CRACR2A: variants seen among roughly 807,000 people sequenced by gnomAD.
The protein encoded by CRACR2A is EF-hand calcium-binding domain-containing protein 4B.
A neutral mutation model predicts 90.5 loss-of-function variants in CRACR2A; 79 were observed. The ratio of observed to expected loss-of-function variants is 0.87; its 90% CI spans 0.73 to 1.05. CRACR2A has a LOEUF of 1.05. CRACR2A is among the 50% of genes least tolerant of loss of function. The probability of loss-of-function intolerance (pLI) is 0.00; values close to 1 mark genes in which losing one functional copy is unlikely to be tolerated. For missense variants in CRACR2A, 823 were observed against 897.2 expected (o/e 0.92, Z 1.06); for synonymous variants, 338 against 356.7 (o/e 0.95, Z 0.59).
At chr12:3,664,171 C>T (rs1945087021) in intron 7 of CRACR2A, among the ~76,000 whole-genome samples, 2 of 152,170 alleles carry the variant, frequency 1.3e-5, no homozygotes, top group Admixed American at 1.3e-4. Flanking sequence ...TTAAAAGGTA[C>T]AAACTATTGG....
intron 10 of CRACR2A, among the ~76,000 whole-genome samples, chr12:3,649,646 CAGGGCAACTAG>C (rs1406890307): frequency 6.6e-6 from 1 of 152,132 alleles, no homozygotes; most frequent in African/African-American, 2.4e-5. Flanking sequence ...GGCTGTGAAT[CAGGGCAACTAG>C]AGGGCAACTC....
chr12:3,649,774 G>C (rs1565473836), intron 10 of CRACR2A, among the ~76,000 whole-genome samples: 1 of 151,632 alleles, frequency 6.6e-6, no homozygotes, highest in Non-Finnish European at 1.5e-5. Flanking sequence ...AAAGAAAAGA[G>C]AGAGAGTAAA....
intron 14 of CRACR2A, among the ~76,000 whole-genome samples, chr12:3,637,025 C>A (rs191884373): frequency 8.3e-4 from 126 of 152,280 alleles, no homozygotes; most frequent in African/African-American, 2.9e-3. Flanking sequence ...GCTCGAGGGG[C>A]CTATTCCGAG....
At chr12:3,654,071 T>C (rs375531940) in intron 10 of CRACR2A, 141 bp downstream of exon 10, 30 of 864,664 alleles carry the variant, frequency 3.5e-5, no homozygotes, top group Middle Eastern at 7.0e-4. Flanking sequence ...TAGAGGAGTG[T>C]TAGAAGAGTC....
chr12:3,646,966 G>A (rs1353118380), intron 11 of CRACR2A, among the ~76,000 whole-genome samples: 1 of 152,178 alleles, frequency 6.6e-6, no homozygotes, highest in African/African-American at 2.4e-5. Flanking sequence ...TTAAGACTCG[G>A]GTTGGTTAAG....
At position 3,684,006 on chromosome 12, in the gene CRACR2A, C is replaced by T. The variant is rs528079723; in HGVS notation, c.229-3657G>A. 5.9e-5 allele frequency among the ~76,000 whole-genome samples: 9 copies of T among 152,166 alleles called. No individual in the cohort carries two copies. The East Asian group carries it at 7.7e-4, about 13-fold the overall frequency. On this transcript the variant is annotated intron_variant, in intron 4 of 19. Transcript: ENST00000440314. ...ACTGAGAGTTCATGCCCCAGAGCCACGGGAAAGTGATGTCTTTTGTTGCAC... is the reference window on the plus strand; with the variant it reads ...ACTGAGAGTTCATGCCCCAGAGCCATGGGAAAGTGATGTCTTTTGTTGCAC...
At chr12:3,700,133 C>T (rs1197332508) in intron 3 of CRACR2A, among the ~76,000 whole-genome samples, 5 of 152,148 alleles carry the variant, frequency 3.3e-5, no homozygotes, top group Non-Finnish European at 4.4e-5. Context: ...AAAAAGACAT[C>T]TACTCTCAGG....
chr12:3,667,503 A>G (rs980509128), intron 7 of CRACR2A, among the ~76,000 whole-genome samples: 2 of 152,068 alleles, frequency 1.3e-5, no homozygotes, highest in African/African-American at 4.8e-5. Context: ...TGTTACCCAC[A>G]TTCCCTCCCA....
intron 7 of CRACR2A, among the ~76,000 whole-genome samples, chr12:3,663,661 G>A (rs1013838519): frequency 1.3e-5 from 2 of 152,170 alleles, no homozygotes; most frequent in African/African-American, 4.8e-5. Context: ...TCAAGCCACG[G>A]CAGTGCCAAA....
In CRACR2A at chr12:3,689,551, C is replaced by G. The variant is rs554403556; in HGVS notation, c.228+7221G>C. The stretch of plus-strand genomic sequence containing the variant: ...ATCCCAGGGATAAAGCTTACTTGAT[C>G]ATGGTGAGTAAGCTTTTTGGTGTGC... On this transcript the variant is annotated intron_variant, in intron 4 of 19. Coordinates refer to ENST00000440314, the MANE Select transcript of CRACR2A (RefSeq NM_001144958.2). Among the ~76,000 whole-genome samples the G allele has an allele frequency of 1.2e-3, 185 of 152,294 alleles. 1 individual carries two copies. Among genetic ancestry groups the G allele is most frequent in the Non-Finnish European group, 2.5e-3 (167 of 68,026 alleles).
At chr12:3,697,547 C>T (rs1258086720) in intron 3 of CRACR2A, among the ~76,000 whole-genome samples, 2 of 152,186 alleles carry the variant, frequency 1.3e-5, no homozygotes, top group African/African-American at 4.8e-5. Context: ...ACTACAAAAG[C>T]TGAGATTGAA....
At chr12:3,668,236 T>C (rs1026118132) in intron 7 of CRACR2A, among the ~76,000 whole-genome samples, 1 of 152,168 alleles carries the variant, frequency 6.6e-6, no homozygotes, top group African/African-American at 2.4e-5. Context: ...AGAATAGGAC[T>C]AGCATTCCAG....
At chr12:3,668,437 C>A (rs1295754026) in intron 7 of CRACR2A, among the ~76,000 whole-genome samples, 1 of 152,110 alleles carries the variant, frequency 6.6e-6, no homozygotes, top group African/African-American at 2.4e-5. Context: ...GGAGGGGGAA[C>A]TACCTTTTAA....
At chr12:3,710,065 G>A (rs1945985278) in intron 3 of CRACR2A, among the ~76,000 whole-genome samples, 1 of 152,148 alleles carries the variant, frequency 6.6e-6, no homozygotes, top group South Asian at 2.1e-4. Context: ...TAAGAACACT[G>A]CTAGGAAGAC....
At position 3,633,787 on chromosome 12, in the gene CRACR2A, C is replaced by T. The variant is rs1944415191; in HGVS notation, c.1603-51G>A. The T allele has an allele frequency of 4.5e-6, 7 of 1,548,912 alleles. No homozygotes were observed. The highest frequency in any genetic ancestry group is 5.2e-6 in the Non-Finnish European group (6 of 1,146,386). On this transcript the variant is annotated intron_variant, in intron 14 of 19. Coordinates refer to ENST00000440314, the MANE Select transcript of CRACR2A (RefSeq NM_001144958.2). The surrounding 1 kb of genome is among the most constrained non-coding windows in gnomAD (Gnocchi z 4.5). ...ACTGCAGGGAATAGTCTTGCCAGCC[C>T]CTGCCCCTGCCACCAGAGGCCCTTT...
intron 13 of CRACR2A, among the ~76,000 whole-genome samples, chr12:3,639,431 A>G (rs1461961337): frequency 7.9e-6 from 1 of 125,940 alleles, no homozygotes; most frequent in African/African-American, 3.1e-5. Context: ...GAAGTTTGAC[A>G]GGGAGGACCT....
chr12:3,631,020 T>C (rs1944366924), intron 15 of CRACR2A, among the ~76,000 whole-genome samples: 1 of 152,202 alleles, frequency 6.6e-6, no homozygotes, highest in Admixed American at 6.5e-5. Flanking sequence ...TGGGGTTGGA[T>C]AGCTTTGGCC....
intron 11 of CRACR2A, chr12:3,647,908 T>C: frequency 2.0e-6 from 2 of 985,480 alleles, no homozygotes; most frequent in African/African-American, 1.7e-5. Flanking sequence ...CACGGGTTTG[T>C]CTTTCTGAGG....
chr12:3,735,611 T>C (rs971591552), intron 1 of CRACR2A, among the ~76,000 whole-genome samples: 1 of 152,192 alleles, frequency 6.6e-6, no homozygotes, highest in Non-Finnish European at 1.5e-5. Context: ...CCCCATTTTA[T>C]GGATCAGTAA....
Sources: gnomAD v4.1 joint callset for allele counts (sites outside exome capture counted in the v4.1 genomes callset) on GRCh38, gnomAD v4.1.1 for gene constraint, Gnocchi (gnomAD v3.1) non-coding constraint, MANE v1.5 for transcripts, NCBI Gene and HGNC (gene_info 2026-07-23, HGNC 2026-07-21) for gene names.